Variants in LARS2 observed in about 807,000 individuals in gnomAD.
LARS2 encodes the protein leucyl-tRNA synthetase 2, mitochondrial, also known as leucine--tRNA ligase, mitochondrial.
Under a neutral mutation model 116.6 loss-of-function variants are expected in LARS2, and 81 were observed. The observed-to-expected ratio is 0.69, with a 90% CI of 0.58 to 0.84. The LOEUF (loss-of-function observed/expected upper bound fraction) is 0.84, where lower values mean the gene tolerates loss of function less well. Ranked by LOEUF, LARS2 falls within the 40% of genes least tolerant of loss-of-function variation. The pLI, the probability that LARS2 is intolerant of heterozygous loss-of-function variation, is 0.00. For missense variants in LARS2, 968 were observed against 1,114.5 expected (o/e 0.87, Z 1.87); for synonymous variants, 396 against 407.2 (o/e 0.97, Z 0.33).
chr3:45,495,445 T>G (rs1464212163), intron 13 of LARS2: 1 of 152,230 alleles, frequency 6.6e-6, no homozygotes, highest in Non-Finnish European at 1.5e-5. Context: ...AACCATTGCC[T>G]TTGGGGCTTC....
intron 20 of LARS2, chr3:45,538,284 T>G (rs1233527497): frequency 1.3e-5 from 2 of 152,130 alleles, no homozygotes; most frequent in Non-Finnish European, 2.9e-5. Flanking sequence ...TTTTTTAAAG[T>G]GGAATTTGTA....
chr3:45,417,643 T>A (rs1698452066), intron 5 of LARS2, 70 bp downstream of exon 5: 1 of 996,030 alleles, frequency 1.0e-6, no homozygotes, highest in Non-Finnish European at 1.6e-6. Flanking sequence ...AACCTGTGCT[T>A]AAAAAATAGA....
chr3:45,411,946 G>C (rs770721365), intron 4 of LARS2, among the ~76,000 whole-genome samples: 3 of 152,142 alleles, frequency 2.0e-5, no homozygotes, highest in Non-Finnish European at 4.4e-5. Flanking sequence ...TGTGGTATTT[G>C]TTTTTTGGCC....
chr3:45,494,082 G>A (rs1436002599), intron 13 of LARS2, among the ~76,000 whole-genome samples: 2 of 152,156 alleles, frequency 1.3e-5, no homozygotes, highest in African/African-American at 2.4e-5. Context: ...GCCCTGGGTG[G>A]TAGGAAGCTG....
At chr3:45,516,831 T>C (rs907121606) in intron 17 of LARS2, among the ~76,000 whole-genome samples, 11 of 152,112 alleles carry the variant, frequency 7.2e-5, no homozygotes, top group Non-Finnish European at 1.5e-4. Context: ...TCTCCCCACT[T>C]AGGGGAGATT....
chr3:45,466,959 T>C (rs1967995), intron 8 of LARS2, among the ~76,000 whole-genome samples: 125,395 of 152,138 alleles, frequency 0.82, 54,719 homozygotes, highest in East Asian at 0.98. Context: ...CCCAAGCAAC[T>C]GAGTATTTCT....
chr3:45,491,390 A>G, intron 12 of LARS2, 127 bp from the exon 13 acceptor site: 1 of 959,164 alleles, frequency 1.0e-6, no homozygotes, highest in Non-Finnish European at 1.6e-6. Flanking sequence ...GAAAGTTATG[A>G]CACAGCTCTG....
At chr3:45,465,173 T>A (rs959759421) in intron 8 of LARS2, among the ~76,000 whole-genome samples, 1 of 152,172 alleles carries the variant, frequency 6.6e-6, no homozygotes, top group African/African-American at 2.4e-5. Flanking sequence ...GTCCCAGGGA[T>A]CTGGTTTTGA....
chr3:45,452,778 T>C (rs1699154059), intron 7 of LARS2, among the ~76,000 whole-genome samples: 1 of 152,176 alleles, frequency 6.6e-6, no homozygotes, highest in African/African-American at 2.4e-5. Context: ...AATGGTAGAA[T>C]TCAGCAGTGA....
chr3:45,513,478 G>T (rs183579574), intron 16 of LARS2, among the ~76,000 whole-genome samples: 1 of 152,266 alleles, frequency 6.6e-6, no homozygotes, highest in African/African-American at 2.4e-5. Flanking sequence ...TCAGCTTCTG[G>T]CAGGGTTTTC....
intron 3 of LARS2, among the ~76,000 whole-genome samples, chr3:45,398,511 G>A (rs951622655): frequency 2.6e-5 from 4 of 152,168 alleles, no homozygotes; most frequent in Admixed American, 1.3e-4. Context: ...AATAAGGCCA[G>A]GAAGAAAAAA....
At chr3:45,454,930 C>T (rs1273373015) in intron 7 of LARS2, among the ~76,000 whole-genome samples, 6 of 152,082 alleles carry the variant, frequency 3.9e-5, no homozygotes, top group Non-Finnish European at 5.9e-5. Flanking sequence ...TGGATTTTGA[C>T]GACTCCAAAT....
chr3:45,487,886 T>G (rs935972210), intron 11 of LARS2, among the ~76,000 whole-genome samples: 2 of 152,126 alleles, frequency 1.3e-5, no homozygotes, highest in Non-Finnish European at 2.9e-5. Flanking sequence ...CATATGTGAG[T>G]TAAAGAATAA....
At chr3:45,531,534 C>A (rs1048741356) in intron 20 of LARS2, among the ~76,000 whole-genome samples, 11 of 151,702 alleles carry the variant, frequency 7.3e-5, no homozygotes, top group African/African-American at 2.7e-4. Flanking sequence ...CATGCCCCTA[C>A]GCCCGGCTAA....
At chr3:45,484,630 A>AAAAAATATATATATATATATATATATAT (rs1553634443) in intron 10 of LARS2, among the ~76,000 whole-genome samples, 1 of 9,740 alleles carries the variant, frequency 1.0e-4, no homozygotes, top group African/African-American at 1.8e-4. Flanking sequence ...AAAAAAAAAA[A>AAAAAATATATATATATATATATATATAT]ATATATATAT....
intron 8 of LARS2, among the ~76,000 whole-genome samples, chr3:45,469,009 G>A (rs1287911448): frequency 6.6e-6 from 1 of 152,162 alleles, no homozygotes; most frequent in Admixed American, 6.5e-5. Context: ...ATGTGTGGCT[G>A]CTTGGTGCCT....
intron 14 of LARS2, among the ~76,000 whole-genome samples, chr3:45,499,970 T>C (rs548654248): frequency 5.9e-5 from 9 of 152,140 alleles, no homozygotes; most frequent in African/African-American, 1.7e-4. Context: ...TTTTCTCATA[T>C]ATATATTTTT....
At chr3:45,396,924 A>G (rs1178701601) in intron 3 of LARS2, among the ~76,000 whole-genome samples, 1 of 152,198 alleles carries the variant, frequency 6.6e-6, no homozygotes, top group Non-Finnish European at 1.5e-5. Context: ...CAGAAGGCAA[A>G]AGAATTTGCC....
At chr3:45,480,194 G>T (rs1329795299) in intron 10 of LARS2, among the ~76,000 whole-genome samples, 1 of 151,804 alleles carries the variant, frequency 6.6e-6, no homozygotes, top group Non-Finnish European at 1.5e-5. Context: ...CAAAAAATCT[G>T]GAATAAACAA....
Sources: allele counts gnomAD v4.1 joint callset (sites outside exome capture counted in the v4.1 genomes callset), GRCh38; gene constraint gnomAD v4.1.1; transcripts MANE v1.5; gene names NCBI Gene and HGNC (gene_info 2026-07-23, HGNC 2026-07-21).